The following CSMD2 variants were observed in gnomAD, a reference collection of about 807,000 sequenced individuals.
CSMD2 encodes CUB and sushi domain-containing protein 2.
Under a neutral mutation model 398.5 loss-of-function variants are expected in CSMD2, and 130 were observed. That is an observed-to-expected ratio of 0.33 (90% confidence interval 0.28 to 0.38). CSMD2 has a LOEUF of 0.38. Ranked by LOEUF, CSMD2 falls within the 10% of genes least tolerant of loss-of-function variation. The pLI is 1.00. For missense variants in CSMD2, 3,829 were observed against 4,764.9 expected (o/e 0.80, Z 5.78); for synonymous variants, 1,828 against 1,908.5 (o/e 0.96, Z 1.10).
At chr1:33,820,579 A>AAC (rs1482727805) in intron 7 of CSMD2, 23 bp from the exon 8 acceptor site, 5 of 1,185,920 alleles carry the variant, frequency 4.2e-6, no homozygotes, top group East Asian at 2.4e-5. Context: ...AAAAAAAAAA[A>AAC]AAAAAAAAAC....
At chr1:33,879,057 C>T (rs1420491212) in intron 5 of CSMD2, among the ~76,000 whole-genome samples, 1 of 152,224 alleles carries the variant, frequency 6.6e-6, no homozygotes, top group Non-Finnish European at 1.5e-5. Flanking sequence ...TCAAAGAGTT[C>T]TCTCGGCTGG....
At chr1:33,922,316 G>A (rs1469624570) in intron 4 of CSMD2, among the ~76,000 whole-genome samples, 1 of 152,154 alleles carries the variant, frequency 6.6e-6, no homozygotes, top group East Asian at 1.9e-4. Context: ...GGTGGGAAGG[G>A]AGGGGCACTC....
intron 36 of CSMD2, 50 bp downstream of exon 36, chr1:33,623,320 T>G: frequency 1.8e-6 from 2 of 1,142,322 alleles, no homozygotes; most frequent in Non-Finnish European, 2.7e-6. Flanking sequence ...TTCATGATGA[T>G]GAGCTCTAGT....
At chr1:33,992,198 C>A (rs1179534520) in intron 3 of CSMD2, among the ~76,000 whole-genome samples, 1 of 152,092 alleles carries the variant, frequency 6.6e-6, no homozygotes, top group Non-Finnish European at 1.5e-5. Flanking sequence ...TGCAAAAATT[C>A]CACTCCTCAC....
chr1:33,748,618 T>C (rs1014313302), intron 13 of CSMD2, among the ~76,000 whole-genome samples: 1 of 152,212 alleles, frequency 6.6e-6, no homozygotes. Context: ...GAGTTTTCAG[T>C]AGTCCTTTAT....
chr1:33,577,188 A>T, intron 49 of CSMD2, 108 bp downstream of exon 49: 1 of 1,025,612 alleles, frequency 9.8e-7, no homozygotes, highest in South Asian at 1.7e-5. Flanking sequence ...AGAATGAAAT[A>T]ATTATCAAAG....
chr1:33,952,032 T>G (rs1230387367), intron 3 of CSMD2, among the ~76,000 whole-genome samples: 1 of 152,182 alleles, frequency 6.6e-6, no homozygotes, highest in Non-Finnish European at 1.5e-5. Flanking sequence ...TGGTCCAGTG[T>G]GCTTTGTACA....
In CSMD2 at chr1:33,636,408, C is replaced by G; in HGVS notation, c.4921G>C (p.Gly1641Arg). ...TTCCACACGGGCTTCCCATCAGGCC[C>G]CAGGATGCAGCTCAGGGTCGAGGTG... The part of the protein sequence containing the change: ...EGTSTLSCIL[G>R]PDGKPVWNNP... Residue 1641 changes from glycine to arginine, a missense_variant, in exon 30 of 71, where the codon GGG (glycine) becomes CGG (arginine). Physicochemically the swap from Gly to Arg is moderately radical, Grantham distance 125. Around this residue, in one of 5 missense-constraint regions of CSMD2, gnomAD observed 2,001 missense variants for 2,567.1 expected, o/e 0.78. Transcript: ENST00000373381. This position sits in a 1 kb window ranked among gnomAD's most constrained non-coding sequence, Gnocchi z 4.8. 6.2e-7 allele frequency: 1 copy of G among 1,613,902 alleles called. No homozygotes were observed. The highest frequency in any genetic ancestry group is 8.5e-7 in the Non-Finnish European group (1 of 1,179,922).
At chr1:33,951,107 C>G in intron 3 of CSMD2, among the ~76,000 whole-genome samples, 1 of 152,222 alleles carries the variant, frequency 6.6e-6, no homozygotes, top group African/African-American at 2.4e-5. Context: ...TTGGCCAAGT[C>G]TCCAACCTTC....
rs942770862 is a variant in CSMD2, at chr1:33,786,553, T to C, written c.1663+2047A>G. ...TACTGGCTCATTAGTTACTCACTAA[T>C]TGCTTTGCAATTTGCAACATTTCTT... On this transcript the variant is annotated intron_variant, in intron 12 of 70. Transcript: ENST00000373381. Among the ~76,000 whole-genome samples the C allele has an allele frequency of 5.3e-5, 8 of 152,368 alleles. No individual in the cohort carries two copies. The East Asian group carries it at 1.2e-3, about 22-fold the overall frequency.
intron 29 of CSMD2, among the ~76,000 whole-genome samples, chr1:33,642,902 T>G (rs1057129999): frequency 6.6e-6 from 1 of 152,168 alleles, no homozygotes; most frequent in Admixed American, 6.5e-5. Flanking sequence ...GAAAGGCTCC[T>G]GGTCTCTCTG....
At position 33,792,513 on chromosome 1, in the gene CSMD2, G is replaced by A. The variant is rs373330233; in HGVS notation, c.1460C>T (p.Ala487Val). The change falls in exon 11 of 71, where the codon GCC (alanine) becomes GTC (valine). Residue 487 changes from alanine to valine, a missense_variant. By Grantham distance (64) the Ala-to-Val change is moderately conservative (BLOSUM62 0). Around this residue, in one of 5 missense-constraint regions of CSMD2, gnomAD observed 2,001 missense variants for 2,567.1 expected, o/e 0.78. Transcript: ENST00000373381. ...ALNPSKVIKL[A>V]FEEFDLERGY... ...CCTCTCCAAATCAAACTCCTCAAAG[G>A]CGAGCTTGATCACCTAGGGAGGGAA... 4 of 1,613,564 alleles carry A rather than the reference G, an allele frequency of 2.5e-6. No individual in the cohort carries two copies. Among genetic ancestry groups the A allele is most frequent in the Non-Finnish European group, 3.4e-6 (4 of 1,179,492 alleles).
intron 53 of CSMD2, among the ~76,000 whole-genome samples, chr1:33,561,002 G>T (rs1244070697): frequency 6.6e-6 from 1 of 152,200 alleles, no homozygotes; most frequent in East Asian, 1.9e-4. Flanking sequence ...TGATGCTTTT[G>T]CCAGGCCTCT....
intron 1 of CSMD2, among the ~76,000 whole-genome samples, chr1:34,118,931 T>C (rs1386662386): frequency 1.3e-5 from 2 of 152,176 alleles, no homozygotes; most frequent in Non-Finnish European, 2.9e-5. Flanking sequence ...AAAGCCATTC[T>C]AATATTTATA....
At chr1:34,080,172 A>T (rs2148331222) in intron 2 of CSMD2, among the ~76,000 whole-genome samples, 1 of 151,582 alleles carries the variant, frequency 6.6e-6, no homozygotes, top group African/African-American at 2.4e-5. Context: ...TACAATTTTC[A>T]TATTGGAAAT....
At chr1:33,882,430 C>T (rs772233807) in intron 5 of CSMD2, among the ~76,000 whole-genome samples, 56 of 152,204 alleles carry the variant, frequency 3.7e-4, no homozygotes, top group Non-Finnish European at 7.1e-4. Flanking sequence ...GCCTATGTCA[C>T]GACTCTTCCC....
chr1:33,879,696 A>T (rs1641099268), intron 5 of CSMD2, among the ~76,000 whole-genome samples: 1 of 152,206 alleles, frequency 6.6e-6, no homozygotes, highest in South Asian at 2.1e-4. Flanking sequence ...TTGGTTTTAG[A>T]TGAAGAAAGA....
chr1:33,892,298 T>C (rs575056559), intron 5 of CSMD2, among the ~76,000 whole-genome samples: 57 of 151,320 alleles, frequency 3.8e-4, no homozygotes, highest in African/African-American at 1.4e-3. Context: ...ATTAAAAATT[T>C]TAATCTTAAA....
At chr1:33,914,365 T>A (rs761049517) in intron 5 of CSMD2, among the ~76,000 whole-genome samples, 15 of 151,472 alleles carry the variant, frequency 9.9e-5, no homozygotes, top group Non-Finnish European at 1.8e-4. Context: ...TGGAAAGGTA[T>A]GTGTCAGAGA....
Sources: gnomAD v4.1 joint callset for allele counts (sites outside exome capture counted in the v4.1 genomes callset) on GRCh38, gnomAD v4.1.1 for gene constraint, gnomAD v4.1.1 regional missense constraint, Gnocchi (gnomAD v3.1) non-coding constraint, MANE v1.5 for transcripts, NCBI Gene and HGNC (gene_info 2026-07-23, HGNC 2026-07-21) for gene names.